Variants in CLVS1 observed in about 807,000 individuals in gnomAD.
The protein encoded by CLVS1 is clavesin-1.
In CLVS1, 10 loss-of-function variants were observed where a neutral mutation model predicts 33.1. That is an observed-to-expected ratio of 0.30 (90% CI 0.19 to 0.51). The LOEUF (loss-of-function observed/expected upper bound fraction) is 0.51. Ranked by LOEUF, CLVS1 falls within the 20% of genes least tolerant of loss-of-function variation. CLVS1 has a pLI of 0.97. For missense variants in CLVS1, 343 were observed against 433.4 expected, an observed-to-expected ratio of 0.79 and a Z score of 1.85; for synonymous variants, 163 against 166.1, an observed-to-expected ratio of 0.98 and a Z score of 0.14.
At chr8:61,459,504 C>T (rs1481136009) in intron 5 of CLVS1, among the ~76,000 whole-genome samples, 1 of 143,058 alleles carries the variant, frequency 7.0e-6, no homozygotes, top group African/African-American at 2.5e-5. Context: ...CGCCCCCCTC[C>T]TACTCTTCCC....
At position 61,361,731 on chromosome 8, in the gene CLVS1, A is replaced by C. The variant is rs909812929; in HGVS notation, c.456-14874A>C. Among the ~76,000 whole-genome samples, 5 of 152,308 alleles carry C rather than the reference A, an allele frequency of 3.3e-5. No individual in the cohort carries two copies. The East Asian group carries it at 9.6e-4, about 29-fold the overall frequency. Reference sequence around the variant, plus strand: ...CTTTCAGGCCAACTATCCCATGTGGAAACAGCTATCCAGATCACTCATGTT... The same window carrying C: ...CTTTCAGGCCAACTATCCCATGTGGCAACAGCTATCCAGATCACTCATGTT... On this transcript the variant is annotated intron_variant, in intron 2 of 5. Coordinates refer to ENST00000325897, the MANE Select transcript of CLVS1 (RefSeq NM_173519.3).
chr8:61,454,254 A>G lies in CLVS1; in HGVS notation c.741+3A>G, dbSNP rs963934798. 6.3e-7 allele frequency: 1 copy of G among 1,580,390 alleles called. No individual in the cohort carries two copies. Among genetic ancestry groups the G allele is most frequent in the African/African-American group, 1.3e-5 (1 of 74,222 alleles). Reference sequence around the variant, plus strand: ...TTAAAGACAAGACCAGGAAACGGGTAATGAAAACAAATGCATCATGTAAAT... The same window carrying G: ...TTAAAGACAAGACCAGGAAACGGGTGATGAAAACAAATGCATCATGTAAAT... On this transcript the variant is annotated splice_donor_region_variant and intron_variant, in intron 4 of 5. Transcript: ENST00000325897.
intron 5 of CLVS1, among the ~76,000 whole-genome samples, chr8:61,479,348 G>T (rs1038462462): frequency 6.6e-6 from 1 of 152,044 alleles, no homozygotes; most frequent in South Asian, 2.1e-4. Flanking sequence ...TTTCATCGCT[G>T]ATACCCTTTC....
At chr8:61,126,194 GCA>G (rs1232357732) in intron 1 of CLVS1, among the ~76,000 whole-genome samples, 1 of 151,870 alleles carries the variant, frequency 6.6e-6, no homozygotes, top group African/African-American at 2.4e-5. Flanking sequence ...ACACATGCAT[GCA>G]CACACACACT....
intron 5 of CLVS1, among the ~76,000 whole-genome samples, chr8:61,474,261 C>T (rs978350006): frequency 6.6e-6 from 1 of 152,130 alleles, no homozygotes; most frequent in Non-Finnish European, 1.5e-5. Context: ...CTATTTACTG[C>T]TTCTGAGAAG....
At chr8:61,310,294 A>G (rs886143413) in intron 2 of CLVS1, among the ~76,000 whole-genome samples, 2 of 152,230 alleles carry the variant, frequency 1.3e-5, no homozygotes, top group African/African-American at 2.4e-5. Flanking sequence ...TGAGGCAGTA[A>G]TGCTCTTACG....
intron 2 of CLVS1, among the ~76,000 whole-genome samples, chr8:61,189,468 A>G (rs990377671): frequency 6.6e-6 from 1 of 152,242 alleles, no homozygotes; most frequent in African/African-American, 2.4e-5. Context: ...GCATCAACTA[A>G]TGAGCAAAAT....
chr8:61,316,938 C>T lies in CLVS1; in HGVS notation c.455+16656C>T, dbSNP rs6988092. On this transcript the variant is annotated intron_variant, in intron 2 of 5. Coordinates refer to ENST00000325897, the MANE Select transcript of CLVS1 (RefSeq NM_173519.3). ...AGGGTTGTATTGAGAATTAAAGGAG[C>T]TAATACAAGTAAAAGTCCATAAAAA... 2.7e-3 allele frequency among the ~76,000 whole-genome samples: 418 copies of T among 152,144 alleles called. 6 individuals carry two copies. Among genetic ancestry groups the T allele is most frequent in the African/African-American group, 9.1e-3 (377 of 41,494 alleles).
rs530648099 is a variant in CLVS1, at chr8:61,352,274, A to G, written c.456-24331A>G. Among the ~76,000 whole-genome samples the G allele has an allele frequency of 6.0e-4, 91 of 152,178 alleles. 5 individuals carry two copies. In the South Asian group the frequency reaches 0.017, roughly 28 times the overall value. ...GAATATCATGTAAAGAGGTATACCC[A>G]AAAACACTCTAAATAAGTCAAGACA... On this transcript the variant is annotated intron_variant, in intron 2 of 5. Transcript: ENST00000325897.
In CLVS1 at chr8:61,149,423, A is replaced by G. The variant is rs559367454; in HGVS notation, c.-152+17563A>G. The stretch of plus-strand genomic sequence containing the variant: ...AAAAATTAACCAGGTGTGGTGGTGC[A>G]TGTCTGTAATCCCAGCTACCTGGGA... On this transcript the variant is annotated intron_variant, in intron 2 of 2. Coordinates refer to the CLVS1 transcript ENST00000522621. Among the ~76,000 whole-genome samples the G allele has an allele frequency of 4.9e-3, 743 of 151,960 alleles. 8 individuals carry two copies. The highest frequency in any genetic ancestry group is 0.017 in the African/African-American group (696 of 41,460).
chr8:61,320,565 A>G (rs1358496796), intron 2 of CLVS1, among the ~76,000 whole-genome samples: 1 of 152,206 alleles, frequency 6.6e-6, no homozygotes, highest in African/African-American at 2.4e-5. Flanking sequence ...CATCTAAACA[A>G]CAGAAATGTA....
At chr8:61,157,685 A>T (rs560706274) in intron 2 of CLVS1, among the ~76,000 whole-genome samples, 2 of 152,036 alleles carry the variant, frequency 1.3e-5, no homozygotes, top group Non-Finnish European at 2.9e-5. Context: ...GTATATAAAG[A>T]ACTCCTACAA....
chr8:61,046,151 GA>G, the CLVS1 span, among the ~76,000 whole-genome samples: 5 of 144,990 alleles, frequency 3.4e-5, no homozygotes, highest in Non-Finnish European at 7.5e-5. Flanking sequence ...AATCCATCTT[GA>G]ATTGATTTTT....
In CLVS1 at chr8:61,324,683, G is replaced by A. The variant is rs139086017; in HGVS notation, c.455+24401G>A. On this transcript the variant is annotated intron_variant, in intron 2 of 5. Coordinates refer to ENST00000325897, the MANE Select transcript of CLVS1 (RefSeq NM_173519.3). The stretch of plus-strand genomic sequence containing the variant: ...TTTGTTGAATGGCTTTGACAAAAAT[G>A]TTGATAGTGATATGAACAATAAGTT... Among the ~76,000 whole-genome samples, 4 of 152,240 alleles carry A rather than the reference G, an allele frequency of 2.6e-5. No individual in the cohort carries two copies. In the East Asian group the frequency reaches 7.7e-4, roughly 29 times the overall value.
chr8:61,239,713 G>C (rs755048939), intron 2 of CLVS1, among the ~76,000 whole-genome samples: 1 of 152,082 alleles, frequency 6.6e-6, no homozygotes, highest in African/African-American at 2.4e-5. Flanking sequence ...CTCCAGCCTG[G>C]GCAACAGAGG....
intron 2 of CLVS1, among the ~76,000 whole-genome samples, chr8:61,304,002 G>A (rs1408116691): frequency 1.3e-5 from 2 of 152,196 alleles, no homozygotes; most frequent in Non-Finnish European, 2.9e-5. Context: ...ACTACGGCAT[G>A]CCCATCCTAA....
chr8:61,471,424 C>G (rs935505419), intron 5 of CLVS1, among the ~76,000 whole-genome samples: 1 of 152,174 alleles, frequency 6.6e-6, no homozygotes, highest in Admixed American at 6.5e-5. Context: ...AATCCTAACT[C>G]CCTAGTAGAG....
At chr8:61,468,850 C>T (rs1267361947) in intron 5 of CLVS1, among the ~76,000 whole-genome samples, 1 of 152,072 alleles carries the variant, frequency 6.6e-6, no homozygotes, top group Non-Finnish European at 1.5e-5. Context: ...GTGGAGCCAC[C>T]GCTTATCGGA....
chr8:60,967,442 G>A, the CLVS1 span: 2 of 333,842 alleles, frequency 6.0e-6, no homozygotes. Flanking sequence ...CTTGGCAGAG[G>A]GAAGGGGAAC....
Sources: gnomAD v4.1 joint callset for allele counts (sites outside exome capture counted in the v4.1 genomes callset) on GRCh38, gnomAD v4.1.1 for gene constraint, MANE v1.5 for transcripts, NCBI Gene and HGNC (gene_info 2026-07-23, HGNC 2026-07-21) for gene names.